TBC1D12: variants seen among roughly 807,000 people sequenced by gnomAD.
TBC1D12 encodes TBC1 domain family, member 12.
Under a neutral mutation model 86.7 loss-of-function variants are expected in TBC1D12, and 56 were observed. The ratio of observed to expected loss-of-function variants is 0.65; its 90% CI spans 0.52 to 0.81. TBC1D12 has a LOEUF of 0.81. Ranked by LOEUF, TBC1D12 falls within the 30% of genes least tolerant of loss-of-function variation. The pLI, the probability that TBC1D12 is intolerant of heterozygous loss-of-function variation, is 0.00. For missense variants in TBC1D12, 1,023 were observed against 1,038.8 expected (o/e 0.98, Z 0.21); for synonymous variants, 421 against 411.7 (o/e 1.02, Z -0.27).
At chr10:94,504,170 TAAG>T (rs1358233492) in intron 6 of TBC1D12, among the ~76,000 whole-genome samples, 2 of 152,310 alleles carry the variant, frequency 1.3e-5, no homozygotes, top group East Asian at 1.9e-4. Context: ...TTTAAAGTCT[TAAG>T]AATCAATTTT....
At chr10:94,440,175 CT>C (rs986878961) in intron 1 of TBC1D12, among the ~76,000 whole-genome samples, 85 of 145,478 alleles carry the variant, frequency 5.8e-4, no homozygotes, top group African/African-American at 5.5e-4. Context: ...CTTTTCCTTT[CT>C]TTTTTTTTTT....
At chr10:94,433,025 T>C (rs1323989825) in intron 1 of TBC1D12, among the ~76,000 whole-genome samples, 1 of 151,890 alleles carries the variant, frequency 6.6e-6, no homozygotes, top group Non-Finnish European at 1.5e-5. Flanking sequence ...GCCGACATGG[T>C]AAAACCCTGT....
chr10:94,404,093 A>C (rs193134723), intron 1 of TBC1D12, among the ~76,000 whole-genome samples: 1 of 152,312 alleles, frequency 6.6e-6, no homozygotes, highest in East Asian at 1.9e-4. Flanking sequence ...ATAGCGTCTA[A>C]ATCCATTCAA....
chr10:94,430,312 A>G (rs2055198431), intron 1 of TBC1D12, among the ~76,000 whole-genome samples: 2 of 152,230 alleles, frequency 1.3e-5, no homozygotes, highest in Admixed American at 1.3e-4. Flanking sequence ...GCTGGAGCTC[A>G]CATTACTGTT....
intron 2 of TBC1D12, among the ~76,000 whole-genome samples, chr10:94,461,179 A>T (rs73327452): frequency 0.024 from 3,617 of 152,286 alleles, 144 homozygotes; most frequent in African/African-American, 0.08. Context: ...GGAACTGGTA[A>T]ATAGGACTTT....
intron 9 of TBC1D12, among the ~76,000 whole-genome samples, chr10:94,512,944 T>G (rs2056543566): frequency 6.6e-6 from 1 of 152,144 alleles, no homozygotes; most frequent in Non-Finnish European, 1.5e-5. Flanking sequence ...CATCTTATAG[T>G]TTTCTAAAAA....
chr10:94,459,074 AGCT>A (rs1426870466), intron 2 of TBC1D12, among the ~76,000 whole-genome samples: 2 of 312 alleles, frequency 6.4e-3, no homozygotes, highest in African/African-American at 0.034. Flanking sequence ...TTTTACAGAG[AGCT>A]GATTGGTCCA....
intron 6 of TBC1D12, among the ~76,000 whole-genome samples, chr10:94,504,174 A>G (rs1246324547): frequency 2.0e-5 from 3 of 152,222 alleles, no homozygotes; most frequent in African/African-American, 7.2e-5. Context: ...AAGTCTTAAG[A>G]ATCAATTTTG....
intron 2 of TBC1D12, among the ~76,000 whole-genome samples, chr10:94,463,002 T>A (rs936719620): frequency 4.6e-5 from 7 of 152,248 alleles, no homozygotes; most frequent in African/African-American, 1.7e-4. Context: ...TTAGACCTTT[T>A]ATCTTTTTAA....
intron 9 of TBC1D12, among the ~76,000 whole-genome samples, chr10:94,520,999 A>T (rs969323660): frequency 1.3e-5 from 2 of 152,064 alleles, no homozygotes; most frequent in Non-Finnish European, 2.9e-5. Flanking sequence ...GTGTAAGTCC[A>T]TTATACAAAT....
rs556553519 is a variant in TBC1D12 at position 94,464,124 on chromosome 10, T to C, written c.1096-10544T>C. 2.0e-5 allele frequency among the ~76,000 whole-genome samples: 3 copies of C among 152,320 alleles called. 1 individual carries two copies. In the South Asian group the frequency reaches 6.2e-4, roughly 32 times the overall value. On this transcript the variant is annotated intron_variant, in intron 2 of 12. Transcript: ENST00000225235. ...CATTTCTGTTTTCATCCTTTTATTC[T>C]TGTATCTACCTTTATATTTAAAGTG...
intron 11 of TBC1D12, among the ~76,000 whole-genome samples, chr10:94,525,659 C>CAAAAA (rs11432778): frequency 3.3e-5 from 2 of 61,294 alleles, no homozygotes; most frequent in Non-Finnish European, 6.7e-5. Context: ...GACTCCGTCT[C>CAAAAA]AAAAAAAAAA....
chr10:94,472,367 TATA>T (rs1482977129), intron 2 of TBC1D12, among the ~76,000 whole-genome samples: 1 of 152,172 alleles, frequency 6.6e-6, no homozygotes, highest in Non-Finnish European at 1.5e-5. Context: ...AGCAAATGAG[TATA>T]CATCTTTGTG....
rs750994768 is a variant in TBC1D12 at position 94,403,364 on chromosome 10, A to T, written c.751A>T (p.Thr251Ser). 6.5e-7 allele frequency: 1 copy of T among 1,528,354 alleles called. No individual in the cohort carries two copies. The highest frequency in any genetic ancestry group is 2.7e-5 in the East Asian group (1 of 37,548). 94.7% of individuals were successfully genotyped at this position (1,528,354 alleles called of 1,614,324 possible). A position where few individuals can be genotyped will look rare whatever the true frequency, so the allele number is the denominator to read the frequency against. Residue 251 changes from threonine (T) to serine (S), a missense_variant, in exon 1 of 13, where the codon ACC (threonine) becomes TCC (serine). This residue lies in a region of TBC1D12 where 628 missense variants were observed against 531.1 expected (regional missense o/e 1.18). Coordinates refer to ENST00000225235, the MANE Select transcript of TBC1D12 (RefSeq NM_015188.2). ...GGPEEGAPPA[T>S]SAERTNGGAE... is the part of the protein sequence containing the mutation. ...TCCCGAGGAGGGCGCGCCCCCTGCC[A>T]CCTCGGCCGAGAGGACTAATGGGGG...
At chr10:94,418,773 A>G (rs187887835) in intron 1 of TBC1D12, among the ~76,000 whole-genome samples, 5 of 151,428 alleles carry the variant, frequency 3.3e-5, no homozygotes, top group Non-Finnish European at 7.4e-5. Flanking sequence ...AGGTTTCGCC[A>G]TGTTGGTCAG....
chr10:94,500,671 TA>T (rs1178147562), intron 6 of TBC1D12, among the ~76,000 whole-genome samples: 19 of 152,330 alleles, frequency 1.2e-4, no homozygotes, highest in African/African-American at 4.3e-4. Flanking sequence ...GCTTCACTTT[TA>T]TACAGAAAAC....
chr10:94,444,685 A>G (rs1485306440), intron 2 of TBC1D12, among the ~76,000 whole-genome samples: 1 of 151,378 alleles, frequency 6.6e-6, no homozygotes, highest in Non-Finnish European at 1.5e-5. Context: ...TACGCTGTAT[A>G]CCTTTAATCT....
At chr10:94,447,601 C>G (rs1163578280) in intron 2 of TBC1D12, 3 of 984,830 alleles carry the variant, frequency 3.0e-6, no homozygotes, top group Non-Finnish European at 3.6e-6. Flanking sequence ...CCTAGTATTA[C>G]TTTTTGAGGA....
chr10:94,506,597 C>G (rs1341130396), intron 6 of TBC1D12, among the ~76,000 whole-genome samples: 3 of 152,060 alleles, frequency 2.0e-5, no homozygotes, highest in Non-Finnish European at 4.4e-5. Flanking sequence ...CTTTCCTGTC[C>G]TGAAGTTTTT....
Sources: gnomAD v4.1 joint callset for allele counts (sites outside exome capture counted in the v4.1 genomes callset) on GRCh38, gnomAD v4.1.1 for gene constraint, gnomAD v4.1.1 regional missense constraint, MANE v1.5 for transcripts, NCBI Gene and HGNC (gene_info 2026-07-23, HGNC 2026-07-21) for gene names.